Variants in USP6 observed in about 807,000 individuals in gnomAD.
USP6 encodes the protein ubiquitin specific peptidase 6, also known as ubiquitin carboxyl-terminal hydrolase 6.
USP6 carries 128 observed loss-of-function variants against 175.7 expected under a neutral mutation model. The ratio of observed to expected loss-of-function variants is 0.73; its 90% CI spans 0.63 to 0.84. The LOEUF (loss-of-function observed/expected upper bound fraction) is 0.84. Ranked by LOEUF, USP6 falls within the 40% of genes least tolerant of loss-of-function variation. The pLI, the probability that USP6 is intolerant of heterozygous loss-of-function variation, is 0.00. For missense variants in USP6, 1,498 were observed against 1,760.3 expected, an observed-to-expected ratio of 0.85 and a Z score of 2.67; for synonymous variants, 562 against 630.6, an observed-to-expected ratio of 0.89 and a Z score of 1.63.
chr17:5,150,172 G>C (rs2073724176), intron 30 of USP6, among the ~76,000 whole-genome samples: 1 of 151,886 alleles, frequency 6.6e-6, no homozygotes. Flanking sequence ...CACGACTGTA[G>C]TCCCAGCTAC....
chr17:5,133,500 GTCC>G lies in USP6; in HGVS notation c.339_341del (p.Leu114del), dbSNP rs2073145152. On this transcript the variant is annotated inframe_deletion, in exon 14 of 38. Coordinates refer to ENST00000574788, the MANE Select transcript of USP6 (RefSeq NM_001304284.2). ...GAACATCCGGGGCCCGGTGTGGTCAGTCCTCCTGAACATTCAGGAAATCAAGTT... is the reference window on the plus strand; with the variant it reads ...GAACATCCGGGGCCCGGTGTGGTCAGTCCTGAACATTCAGGAAATCAAGTT... The G allele has an allele frequency of 6.2e-7, 1 of 1,611,776 alleles. No individual in the cohort carries two copies.
At chr17:5,143,986 A>C (rs906984541) in intron 25 of USP6, among the ~76,000 whole-genome samples, 2 of 152,176 alleles carry the variant, frequency 1.3e-5, no homozygotes, top group Admixed American at 1.3e-4. Flanking sequence ...GTTTTATATT[A>C]ATATCACATG....
At chr17:5,117,291 G>C (rs1237871874) in intron 1 of USP6, among the ~76,000 whole-genome samples, 1 of 152,190 alleles carries the variant, frequency 6.6e-6, no homozygotes, top group African/African-American at 2.4e-5. Context: ...GCCGAGGCGG[G>C]TGGATCATGA....
chr17:5,117,497 C>A (rs564284419), intron 1 of USP6, among the ~76,000 whole-genome samples: 4 of 139,274 alleles, frequency 2.9e-5, no homozygotes, highest in African/African-American at 1.1e-4. Flanking sequence ...GCCTGGGCGA[C>A]AGAGCGAGAC....
rs763491369 is a variant in USP6, at chr17:5,168,724, T to C, written c.3229-43T>C. On this transcript the variant is annotated intron_variant, in intron 34 of 37. Coordinates refer to ENST00000574788, the MANE Select transcript of USP6 (RefSeq NM_001304284.2). Reference sequence around the variant, plus strand: ...TTTTTTCCATGTAAATTTTGTATCTTCAGAACCCTTTAATGCGATGTTTTC... The same window carrying C: ...TTTTTTCCATGTAAATTTTGTATCTCCAGAACCCTTTAATGCGATGTTTTC... 6 of 1,522,682 alleles carry C rather than the reference T, an allele frequency of 3.9e-6. No homozygotes were observed. In the South Asian group the frequency reaches 8.0e-5, roughly 20 times the overall value. The allele number at this position is 1,522,682 out of a possible 1,614,324, so 94.3% of individuals were successfully genotyped here.
chr17:5,160,974 A>G (rs1337514288), intron 31 of USP6, among the ~76,000 whole-genome samples: 1 of 152,224 alleles, frequency 6.6e-6, no homozygotes, highest in African/African-American at 2.4e-5. Context: ...ACACATATGT[A>G]ACTAACCTGC....
chr17:5,168,224 C>T (rs1187905842), intron 34 of USP6, 101 bp downstream of exon 34: 1 of 1,367,604 alleles, frequency 7.3e-7, no homozygotes, highest in Non-Finnish European at 9.9e-7. Flanking sequence ...TAAGACTTTT[C>T]CTGCAGCAGT....
chr17:5,154,728 C>CA (rs2073845689), intron 30 of USP6, among the ~76,000 whole-genome samples: 2 of 151,184 alleles, frequency 1.3e-5, no homozygotes, highest in Non-Finnish European at 3.0e-5. Context: ...TTTTTCCCCC[C>CA]ACTGGCATCT....
At position 5,139,391 on chromosome 17, in the gene USP6, G is replaced by T; in HGVS notation, c.1215G>T (p.Pro405=). ...AGCGGCCCATTTGCTCAGCTTCCCC[G>T]CCATGGGCATCTCGTTTTTCCACGC... ...QFQRPICSAS[P]PWASRFSTPC... is the part of the protein sequence containing the mutation. The change falls in exon 22 of 38, where the codon CCG becomes CCT. Residue 405 remains proline (P), a synonymous_variant. Transcript: ENST00000574788. 16 of 1,613,354 alleles carry T rather than the reference G, an allele frequency of 9.9e-6. No homozygotes were observed. Among genetic ancestry groups the T allele is most frequent in the Non-Finnish European group, 1.3e-5 (15 of 1,180,008 alleles).
At chr17:5,131,475 G>GAGAC (rs2073066250) in intron 11 of USP6, among the ~76,000 whole-genome samples, 1 of 142,750 alleles carries the variant, frequency 7.0e-6, no homozygotes, top group Non-Finnish European at 1.5e-5. Flanking sequence ...GTGGATGCTT[G>GAGAC]GCCAGCCTCA....
At chr17:5,121,276 T>C (rs889992690) in intron 3 of USP6, 99 bp from the exon 4 acceptor site, 11 of 362,178 alleles carry the variant, frequency 3.0e-5, no homozygotes, top group African/African-American at 2.1e-4. Context: ...TGGGGCCCCA[T>C]AGAGGCCAGG....
At chr17:5,138,951 G>C in intron 21 of USP6, 2 of 1,409,542 alleles carry the variant, frequency 1.4e-6, no homozygotes, top group East Asian at 2.9e-5. Context: ...CTTGAGTTCT[G>C]ATGGGGGGCC....
chr17:5,143,706 A>G (rs1346935148), intron 25 of USP6, among the ~76,000 whole-genome samples: 1 of 151,136 alleles, frequency 6.6e-6, no homozygotes, highest in Non-Finnish European at 1.5e-5. Context: ...TTGTCCCATG[A>G]CCCTGCCAAA....
intron 33 of USP6, among the ~76,000 whole-genome samples, chr17:5,167,006 T>G (rs2074109283): frequency 6.6e-6 from 1 of 152,188 alleles, no homozygotes; most frequent in Non-Finnish European, 1.5e-5. Context: ...TGTTCTTCCT[T>G]TTGTTGCCAT....
At chr17:5,123,396 G>A (rs1597965246) in intron 4 of USP6, among the ~76,000 whole-genome samples, 1 of 151,448 alleles carries the variant, frequency 6.6e-6, no homozygotes, top group South Asian at 2.1e-4. Context: ...GGCGTGGCGT[G>A]GCGTGGCGCG....
rs1353219614 is a variant in USP6, at chr17:5,129,994, T to C, written c.-97T>C. ...AGGAGGCCGATCGTACAGAGACCTC[T>C]GGTGCCTGACCGCAGTTCACATCCA... On this transcript the variant is annotated 5_prime_UTR_variant, in exon 9 of 38. Transcript: ENST00000574788. 3.5e-6 allele frequency: 1 copy of C among 288,700 alleles called. No homozygotes were observed. The highest frequency in any genetic ancestry group is 2.2e-5 in the African/African-American group (1 of 46,216). 17.9% of individuals were successfully genotyped at this position (288,700 alleles called of 1,614,324 possible). A position where few individuals can be genotyped will look rare whatever the true frequency, so the allele number is the denominator to read the frequency against.
chr17:5,146,119 G>A lies in USP6; in HGVS notation c.2264G>A (p.Cys755Tyr). 1 of 1,613,172 alleles carries A rather than the reference G, an allele frequency of 6.2e-7. No homozygotes were observed. ...TTAAAAAAACAGCTGAGGGATCTCT[G>A]TGGACTTAATTCAGAACAAATCCTA... is the stretch of plus-strand genomic sequence containing the variant. ...TGLKKQLRDL[C>Y]GLNSEQILLA... The change falls in exon 28 of 38, where the codon TGT becomes TAT. Residue 755 changes from cysteine to tyrosine, a missense_variant. Around this residue, in one of 2 missense-constraint regions of USP6, gnomAD observed 1,217 missense variants for 1,500.8 expected, o/e 0.81. Coordinates refer to ENST00000574788, the MANE Select transcript of USP6 (RefSeq NM_001304284.2).
In USP6 at chr17:5,170,613, C is replaced by T; in HGVS notation, c.3652C>T (p.Pro1218Ser). Residue 1218 changes from proline to serine, a missense_variant, in exon 36 of 38, where the codon CCG becomes TCG. Transcript: ENST00000574788. ...RLPQIGSKNK[P>S]SSSKKNLDAS... ...GCCCCAGATTGGCAGCAAAAATAAG[C>T]CGTCAAGTAGTAAGAAGAACTTGGA... The T allele has an allele frequency of 6.2e-7, 1 of 1,613,410 alleles. No individual in the cohort carries two copies. The highest frequency in any genetic ancestry group is 1.7e-5 in the Admixed American group (1 of 60,012).
chr17:5,123,585 G>A (rs879854374), intron 4 of USP6, among the ~76,000 whole-genome samples: 2 of 152,174 alleles, frequency 1.3e-5, no homozygotes, highest in Non-Finnish European at 2.9e-5. Context: ...GGGGGGGCAC[G>A]CCGGCCTGGG....
Sources: gnomAD v4.1 joint callset for allele counts (sites outside exome capture counted in the v4.1 genomes callset) on GRCh38, gnomAD v4.1.1 for gene constraint, gnomAD v4.1.1 regional missense constraint, MANE v1.5 for transcripts, NCBI Gene and HGNC (gene_info 2026-07-23, HGNC 2026-07-21) for gene names.